Variants in IFI16 observed in about 807,000 individuals in gnomAD.
The protein encoded by IFI16 is gamma-interferon-inducible protein 16.
In IFI16, 49 loss-of-function variants were observed where a neutral mutation model predicts 68.4. The observed-to-expected ratio is 0.72, with a 90% CI of 0.57 to 0.91. The LOEUF (loss-of-function observed/expected upper bound fraction) is 0.91, where lower values mean the gene tolerates loss of function less well. Among genes scored for constraint, IFI16 ranks in the 40% least tolerant of loss-of-function variants. IFI16 has a pLI of 0.00. For missense variants in IFI16, 878 were observed against 942.9 expected (o/e 0.93, Z 0.90); for synonymous variants, 307 against 315.0 (o/e 0.97, Z 0.27).
chr1:159,045,041 A>T (rs1474698710), intron 7 of IFI16, among the ~76,000 whole-genome samples: 3 of 152,080 alleles, frequency 2.0e-5, no homozygotes, highest in Non-Finnish European at 2.9e-5. Context: ...GTTTTACAGG[A>T]CGTGAAGACT....
chr1:159,006,207 A>T (rs566755326), upstream of IFI16, among the ~76,000 whole-genome samples: 52 of 152,322 alleles, frequency 3.4e-4, no homozygotes, highest in Admixed American at 1.8e-3. Flanking sequence ...CAGTGGCCAA[A>T]GAGACGGCTA....
chr1:159,010,907 T>C (rs1652508725), intron 1 of IFI16, among the ~76,000 whole-genome samples: 1 of 152,230 alleles, frequency 6.6e-6, no homozygotes, highest in African/African-American at 2.4e-5. Flanking sequence ...AGATGTTTTC[T>C]ATAGCCTGGT....
Position 159,054,950 on chromosome 1 carries a change from C to A in IFI16, c.*49C>A. ...TGTTTATGGAGATAAGGTCTAAGTG[C>A]CTAAAAAAATGTACATATACCTGGT... On this transcript the variant is annotated 3_prime_UTR_variant, in exon 12 of 12. Transcript: ENST00000295809. 1.9e-6 allele frequency: 2 copies of A among 1,057,334 alleles called. No homozygotes were observed. The highest frequency in any genetic ancestry group is 2.9e-6 in the Non-Finnish European group (2 of 692,844). The allele number at this position is 1,057,334 out of a possible 1,614,324, so 65.5% of individuals were successfully genotyped here.
upstream of IFI16, among the ~76,000 whole-genome samples, chr1:159,005,015 G>C (rs1001704923): frequency 3.3e-5 from 5 of 152,154 alleles, no homozygotes; most frequent in Non-Finnish European, 5.9e-5. Context: ...CAACAGTGTT[G>C]GGAGCTTGGG....
chr1:159,005,602 T>C (rs1410045245), upstream of IFI16, among the ~76,000 whole-genome samples: 1 of 152,142 alleles, frequency 6.6e-6, no homozygotes, highest in African/African-American at 2.4e-5. Context: ...AAAAGTAGAA[T>C]ACAAAACTGC....
At chr1:159,021,209 A>G (rs995198040) in intron 6 of IFI16, among the ~76,000 whole-genome samples, 2 of 152,174 alleles carry the variant, frequency 1.3e-5, no homozygotes, top group Admixed American at 1.3e-4. Flanking sequence ...AGCAGCGTAC[A>G]CTGTACCCAG....
At chr1:159,041,934 TCTC>T (rs769751493) in intron 7 of IFI16, among the ~76,000 whole-genome samples, 2 of 152,198 alleles carry the variant, frequency 1.3e-5, no homozygotes, top group Non-Finnish European at 2.9e-5. Context: ...AATTCTGATT[TCTC>T]CTACATACTG....
chr1:159,032,523 G>A lies in IFI16; in HGVS notation c.1162-1G>A, dbSNP rs1006912516. 2.6e-6 allele frequency: 4 copies of A among 1,567,306 alleles called. No individual in the cohort carries two copies. The African/African-American group carries it at 5.5e-5, about 22-fold the overall frequency. On this transcript the variant is annotated splice_acceptor_variant, in intron 6 of 11. Coordinates refer to ENST00000295809, the MANE Select transcript of IFI16 (RefSeq NM_001376587.1). LOFTEE classifies it high-confidence loss of function. ...ATTAAACAGAAAATGAATACTTTCA[G>A]ATAAAGAAAAAAACAAACCCGAGAA...
intron 7 of IFI16, among the ~76,000 whole-genome samples, chr1:159,035,755 AT>A (rs61109009): frequency 0.98 from 148,130 of 150,636 alleles, 72,869 homozygotes; most frequent in Middle Eastern, 1. Flanking sequence ...CTTATCATTG[AT>A]TTTTTTTTTT....
intron 6 of IFI16, among the ~76,000 whole-genome samples, chr1:159,028,780 G>A (rs1653817546): frequency 1.1e-5 from 1 of 87,340 alleles, no homozygotes; most frequent in South Asian, 3.7e-4. Flanking sequence ...TTTAACTGCT[G>A]TTGCTTTAAA....
intron 3 of IFI16, 73 bp from the exon 4 acceptor site, chr1:159,016,460 A>G (rs915094931): frequency 4.2e-5 from 55 of 1,321,248 alleles, no homozygotes; most frequent in Non-Finnish European, 5.2e-5. Flanking sequence ...TAAAACTACT[A>G]TCCAATAATG....
At chr1:159,003,140 A>G (rs766400313), upstream of IFI16, among the ~76,000 whole-genome samples, 6 of 152,224 alleles carry the variant, frequency 3.9e-5, no homozygotes, top group Non-Finnish European at 8.8e-5. Flanking sequence ...CCAACTTCCT[A>G]TGGTTCCACT....
At chr1:159,033,632 A>C (rs1424526753) in intron 7 of IFI16, among the ~76,000 whole-genome samples, 2 of 152,232 alleles carry the variant, frequency 1.3e-5, no homozygotes, top group Admixed American at 1.3e-4. Context: ...TTTCAAAGAA[A>C]ATTAGAGTCA....
intron 7 of IFI16, among the ~76,000 whole-genome samples, chr1:159,039,706 G>C (rs1042434143): frequency 5.9e-5 from 9 of 152,090 alleles, no homozygotes; most frequent in Non-Finnish European, 1.5e-5. Flanking sequence ...TGAGAACCTG[G>C]AGGCCAGAAT....
At chr1:159,003,952 G>A (rs1422412540), upstream of IFI16, among the ~76,000 whole-genome samples, 1 of 152,074 alleles carries the variant, frequency 6.6e-6, no homozygotes, top group Admixed American at 6.5e-5. Flanking sequence ...GAGCCACCGC[G>A]CCCAGCCAAT....
intron 6 of IFI16, among the ~76,000 whole-genome samples, chr1:159,029,838 G>A (rs4575082): frequency 0.28 from 42,965 of 151,740 alleles, 8,188 homozygotes; most frequent in African/African-American, 0.54. Flanking sequence ...CTGCCACCAC[G>A]CCCAGCTAAT....
At chr1:159,020,197 A>G in intron 5 of IFI16, 144 bp from the exon 6 acceptor site, 3 of 577,534 alleles carry the variant, frequency 5.2e-6, no homozygotes, top group Non-Finnish European at 6.1e-6. Flanking sequence ...GGCTTTCTGC[A>G]AAGATGTGGC....
At chr1:159,015,601 G>T in intron 2 of IFI16, 1 of 266,096 alleles carries the variant, frequency 3.8e-6, no homozygotes, top group Non-Finnish European at 7.2e-6. Context: ...GAAGCACATG[G>T]AGTTCAGAGA....
At chr1:159,035,444 A>G (rs1198447318) in intron 7 of IFI16, among the ~76,000 whole-genome samples, 1 of 152,236 alleles carries the variant, frequency 6.6e-6, no homozygotes, top group Non-Finnish European at 1.5e-5. Flanking sequence ...CCCACCTGCT[A>G]AAATATGAAT....
Sources: allele counts gnomAD v4.1 joint callset (sites outside exome capture counted in the v4.1 genomes callset), GRCh38; gene constraint gnomAD v4.1.1; transcripts MANE v1.5; gene names NCBI Gene and HGNC (gene_info 2026-07-23, HGNC 2026-07-21).